RPGRIP1: variants seen among roughly 807,000 people sequenced by gnomAD.
RPGRIP1 encodes the protein X-linked retinitis pigmentosa GTPase regulator-interacting protein 1.
In RPGRIP1, 128 loss-of-function variants were observed where a neutral mutation model predicts 157.9. The ratio of observed to expected loss-of-function variants is 0.81; its 90% CI spans 0.70 to 0.94. The LOEUF is 0.94. RPGRIP1 is among the 40% of genes least tolerant of loss of function. The probability of loss-of-function intolerance (pLI) is 0.00; values close to 1 mark genes in which losing one functional copy is unlikely to be tolerated. For synonymous variants in RPGRIP1, 554 were observed against 571.6 expected (o/e 0.97, Z 0.44); for missense variants, 1,486 against 1,545.8 (o/e 0.96, Z 0.65).
intron 13 of RPGRIP1, chr14:21,321,635 G>T (rs3748358): frequency 3.0e-6 from 3 of 1,014,200 alleles, no homozygotes; most frequent in Non-Finnish European, 2.8e-6. Flanking sequence ...CAAGCGTAAG[G>T]CTTCTGGGTT....
In RPGRIP1 at chr14:21,334,467, G is replaced by A; in HGVS notation, c.3239-138G>A. On this transcript the variant is annotated intron_variant, in intron 20 of 24. Transcript: ENST00000400017. ...AGTGTACCTTTGAAAAAGAGGGTTT[G>A]ATTCTTAGTAAGTGAAGGCAAAATC... is the stretch of plus-strand genomic sequence containing the variant. 8.8e-6 allele frequency: 6 copies of A among 681,034 alleles called. No homozygotes were observed. In the Admixed American group the frequency reaches 1.3e-4, roughly 14 times the overall value. 42.2% of individuals were successfully genotyped at this position (681,034 alleles called of 1,614,324 possible). A position where few individuals can be genotyped will look rare whatever the true frequency, so the allele number is the denominator to read the frequency against.
intron 1 of RPGRIP1, among the ~76,000 whole-genome samples, chr14:21,281,952 G>C (rs919351404): frequency 6.6e-6 from 1 of 151,932 alleles, no homozygotes; most frequent in Non-Finnish European, 1.5e-5. Flanking sequence ...AAAATTAGCT[G>C]GGCATGGTGG....
At chr14:21,317,941 C>A in intron 11 of RPGRIP1, 91 bp downstream of exon 11, 1 of 1,078,350 alleles carries the variant, frequency 9.3e-7, no homozygotes, top group Non-Finnish European at 1.4e-6. Flanking sequence ...TCTTTAATCC[C>A]CTCACTTGAT....
chr14:21,328,910 G>A (rs1883406064), intron 19 of RPGRIP1, among the ~76,000 whole-genome samples: 1 of 152,064 alleles, frequency 6.6e-6, no homozygotes, highest in South Asian at 2.1e-4. Context: ...TTGGGAGGCC[G>A]AGGTGGGTGG....
chr14:21,321,777 T>C, intron 13 of RPGRIP1, 77 bp from the exon 14 acceptor site: 1 of 1,426,988 alleles, frequency 7.0e-7, no homozygotes, highest in Non-Finnish European at 9.6e-7. Flanking sequence ...CTTCTTGACC[T>C]AGCCAGTGCC....
At chr14:21,287,556 G>A (rs192078886) in intron 1 of RPGRIP1, among the ~76,000 whole-genome samples, 3 of 152,182 alleles carry the variant, frequency 2.0e-5, no homozygotes, top group Admixed American at 1.3e-4. Context: ...CAATGGCTTC[G>A]GGGACTGGAT....
At chr14:21,323,193 G>A (rs1270478789) in intron 14 of RPGRIP1, among the ~76,000 whole-genome samples, 2 of 152,006 alleles carry the variant, frequency 1.3e-5, no homozygotes, top group African/African-American at 2.4e-5. Context: ...AGGACGAGGC[G>A]GGCGGATTGC....
intron 21 of RPGRIP1, among the ~76,000 whole-genome samples, chr14:21,342,530 C>G (rs1450808829): frequency 7.0e-6 from 1 of 143,694 alleles, no homozygotes; most frequent in Non-Finnish European, 1.5e-5. Flanking sequence ...GGCAACAAAG[C>G]AAGACTCTGT....
In RPGRIP1 at chr14:21,311,942, T is replaced by A; in HGVS notation, c.1049T>A (p.Val350Glu). The stretch of plus-strand genomic sequence containing the variant: ...AGCTTGAAGAGCCAACTGGAAGATG[T>A]GTCTATCTTGCAGATGACTCTGAAG... ...AVSLKSQLED[V>E]SILQMTLKEF... The change falls in exon 9 of 25, where the codon GTG becomes GAG. Residue 350 changes from valine (V) to glutamate (E), a missense_variant. Physicochemically the swap from Val to Glu is moderately radical, Grantham distance 121. Coordinates refer to ENST00000400017, the MANE Select transcript of RPGRIP1 (RefSeq NM_020366.4). 6.2e-7 allele frequency: 1 copy of A among 1,613,354 alleles called. No homozygotes were observed. Among genetic ancestry groups the A allele is most frequent in the Non-Finnish European group, 8.5e-7 (1 of 1,179,564 alleles).
intron 2 of RPGRIP1, among the ~76,000 whole-genome samples, chr14:21,293,403 G>A (rs533761122): frequency 9.2e-5 from 14 of 152,206 alleles, no homozygotes; most frequent in African/African-American, 2.6e-4. Context: ...AGACAGTCAT[G>A]GGAACAATCC....
At chr14:21,285,537 G>A (rs891283659) in intron 1 of RPGRIP1, among the ~76,000 whole-genome samples, 1 of 151,608 alleles carries the variant, frequency 6.6e-6, no homozygotes, top group Non-Finnish European at 1.5e-5. Context: ...CTCGGGAGGT[G>A]GAGGTTACAG....
chr14:21,340,255 A>T (rs896252470), intron 21 of RPGRIP1, among the ~76,000 whole-genome samples: 15 of 152,348 alleles, frequency 9.8e-5, no homozygotes, highest in African/African-American at 3.6e-4. Flanking sequence ...AGTGAAGTCT[A>T]GGGAGAAGAG....
intron 23 of RPGRIP1, among the ~76,000 whole-genome samples, chr14:21,347,658 G>A (rs1885700357): frequency 6.6e-6 from 1 of 152,194 alleles, no homozygotes; most frequent in Non-Finnish European, 1.5e-5. Flanking sequence ...CAGAGAGATA[G>A]AAAGTAGATT....
chr14:21,351,020 T>C, intron 24 of RPGRIP1, 84 bp from the exon 25 acceptor site: 1 of 700,484 alleles, frequency 1.4e-6, no homozygotes, highest in East Asian at 2.7e-5. Flanking sequence ...TTCATTCATT[T>C]AGCATCCCCA....
At position 21,321,335 on chromosome 14, in the gene RPGRIP1, C is replaced by A. The variant is rs762856248; in HGVS notation, c.1544C>A (p.Thr515Asn). ...GAGTTGCAAGTATCACACGCAGAGA[C>A]CACATTGGAACTAGAAAAGACCAGG... is the stretch of plus-strand genomic sequence containing the variant. ...LNELQVSHAE[T>N]TLELEKTRDM... The change falls in exon 13 of 25, where the codon ACC becomes AAC. Residue 515 changes from threonine to asparagine, a missense_variant. By Grantham distance (65) the Thr-to-Asn change is moderately conservative. Transcript: ENST00000400017. 3.1e-6 allele frequency: 5 copies of A among 1,613,756 alleles called. No individual in the cohort carries two copies. The highest frequency in any genetic ancestry group is 1.7e-5 in the Admixed American group (1 of 59,970).
At chr14:21,294,261 T>C (rs1439742949) in intron 2 of RPGRIP1, among the ~76,000 whole-genome samples, 2 of 151,174 alleles carry the variant, frequency 1.3e-5, no homozygotes, top group Non-Finnish European at 2.9e-5. Flanking sequence ...GGCAGAGTCT[T>C]GCTCTGTCAC....
At chr14:21,324,451 C>T (rs1163503057) in intron 14 of RPGRIP1, 167 bp from the exon 15 acceptor site, 12 of 661,838 alleles carry the variant, frequency 1.8e-5, no homozygotes, top group Non-Finnish European at 3.2e-5. Flanking sequence ...GAATTCAATG[C>T]TCCTGGTTGT....
intron 19 of RPGRIP1, among the ~76,000 whole-genome samples, chr14:21,329,983 T>G (rs1192592417): frequency 1.3e-5 from 2 of 150,780 alleles, no homozygotes; most frequent in Non-Finnish European, 3.0e-5. Context: ...TCAGGTGTGG[T>G]GACGGGCTCC....
intron 1 of RPGRIP1, among the ~76,000 whole-genome samples, chr14:21,280,548 G>C (rs1880090996): frequency 6.6e-6 from 1 of 151,828 alleles, no homozygotes; most frequent in Non-Finnish European, 1.5e-5. Flanking sequence ...GCCTGGCCTG[G>C]TTTATTCATT....
Sources: gnomAD v4.1 joint callset for allele counts (sites outside exome capture counted in the v4.1 genomes callset) on GRCh38, gnomAD v4.1.1 for gene constraint, MANE v1.5 for transcripts, NCBI Gene and HGNC (gene_info 2026-07-23, HGNC 2026-07-21) for gene names.